The following GALNT17 variants were observed in gnomAD, a reference collection of about 807,000 sequenced individuals.
GALNT17 encodes UDP-GalNAc:polypeptide N-acetylgalactosaminyltransferase-like 3.
A neutral mutation model predicts 63.7 loss-of-function variants in GALNT17; 29 were observed. The observed-to-expected ratio is 0.46, with a 90% CI of 0.34 to 0.62. The LOEUF (loss-of-function observed/expected upper bound fraction) is 0.62. Among genes scored for constraint, GALNT17 ranks in the 20% least tolerant of loss-of-function variants. GALNT17 has a pLI of 0.01. For missense variants in GALNT17, 603 were observed against 799.6 expected (o/e 0.75, Z 2.97); for synonymous variants, 305 against 318.3 (o/e 0.96, Z 0.45).
chr7:71,676,587 T>C (rs761227011), intron 8 of GALNT17, among the ~76,000 whole-genome samples: 23 of 152,090 alleles, frequency 1.5e-4, no homozygotes, highest in Non-Finnish European at 3.4e-4. Flanking sequence ...GGCCTCGCTA[T>C]GTTGCCCATA....
intron 1 of GALNT17, among the ~76,000 whole-genome samples, chr7:71,248,722 T>C (rs1790144454): frequency 6.6e-6 from 1 of 152,224 alleles, no homozygotes; most frequent in Non-Finnish European, 1.5e-5. Context: ...TAGCAACTCA[T>C]TTCCCCCCAT....
chr7:71,202,079 ATCCTCTTTTATT>A (rs1378849095), intron 1 of GALNT17, among the ~76,000 whole-genome samples: 18 of 152,286 alleles, frequency 1.2e-4, no homozygotes, highest in South Asian at 6.2e-4. Context: ...AATGAAGAAA[ATCCTCTTTTATT>A]CATTCCTTTC....
chr7:71,658,829 G>A lies in GALNT17; in HGVS notation c.1081-6582G>A, dbSNP rs184989665. ...TTTGAATCTGGGAGGCGGAGGTTGC[G>A]GTGAGCCAAGATCATGCCACTGCCC... On this transcript the variant is annotated intron_variant, in intron 6 of 10. Transcript: ENST00000333538. Among the ~76,000 whole-genome samples the A allele has an allele frequency of 2.9e-3, 436 of 152,012 alleles. 7 individuals are homozygous for A. Among genetic ancestry groups the A allele is most frequent in the East Asian group, 6.6e-3 (34 of 5,144 alleles).
intron 5 of GALNT17, among the ~76,000 whole-genome samples, chr7:71,453,339 A>C (rs1787299914): frequency 6.6e-6 from 1 of 152,226 alleles, no homozygotes. Flanking sequence ...TGAGACTAGG[A>C]AATTTACAAG....
At chr7:71,677,604 T>C (rs1376875236) in intron 9 of GALNT17, among the ~76,000 whole-genome samples, 1 of 150,998 alleles carries the variant, frequency 6.6e-6, no homozygotes, top group Non-Finnish European at 1.5e-5. Context: ...AACCTCCGCC[T>C]CCCAGGCTCA....
chr7:71,183,304 G>A (rs1788768937), intron 1 of GALNT17, among the ~76,000 whole-genome samples: 1 of 152,130 alleles, frequency 6.6e-6, no homozygotes, highest in African/African-American at 2.4e-5. Context: ...TGTAGCTCTT[G>A]AAGACAGAAG....
At chr7:71,266,905 G>A (rs1048460076) in intron 1 of GALNT17, among the ~76,000 whole-genome samples, 1 of 152,190 alleles carries the variant, frequency 6.6e-6, no homozygotes, top group African/African-American at 2.4e-5. Context: ...AAAGGAGGCT[G>A]AAGACCCAGG....
At chr7:71,179,423 A>G (rs1689358345) in intron 1 of GALNT17, among the ~76,000 whole-genome samples, 1 of 152,220 alleles carries the variant, frequency 6.6e-6, no homozygotes, top group Non-Finnish European at 1.5e-5. Flanking sequence ...ACATGTCATC[A>G]GGACCTCCTG....
At chr7:71,431,852 A>G (rs994240417) in intron 5 of GALNT17, among the ~76,000 whole-genome samples, 1 of 152,166 alleles carries the variant, frequency 6.6e-6, no homozygotes, top group African/African-American at 2.4e-5. Flanking sequence ...AATCATGGTT[A>G]TTATTTGTTA....
At chr7:71,528,371 A>G (rs1788659269) in intron 5 of GALNT17, among the ~76,000 whole-genome samples, 1 of 152,142 alleles carries the variant, frequency 6.6e-6, no homozygotes, top group South Asian at 2.1e-4. Flanking sequence ...CAAAATTGAG[A>G]AGACTGCATT....
In GALNT17 at chr7:71,267,383, T is replaced by C. The variant is rs543243786; in HGVS notation, c.239-68167T>C. On this transcript the variant is annotated intron_variant, in intron 1 of 10. Coordinates refer to ENST00000333538, the MANE Select transcript of GALNT17 (RefSeq NM_022479.3). The stretch of plus-strand genomic sequence containing the variant: ...GATTTTCTAGTTTTTTTTTTTTTTT[T>C]CTTCTAGGAGGATATGTGGTTTTTA... 2.8e-4 allele frequency among the ~76,000 whole-genome samples: 40 copies of C among 140,560 alleles called. No homozygotes were observed. The South Asian group carries it at 3.6e-3, about 13-fold the overall frequency. 92.2% of individuals were successfully genotyped at this position (140,560 alleles called of 152,430 possible).
At chr7:71,452,282 AC>A (rs1787276527) in intron 5 of GALNT17, among the ~76,000 whole-genome samples, 1 of 151,602 alleles carries the variant, frequency 6.6e-6, no homozygotes, top group African/African-American at 2.4e-5. Context: ...GTGGTGGCTT[AC>A]GCCTGTAATC....
At chr7:71,349,389 T>C (rs1289093590) in intron 2 of GALNT17, among the ~76,000 whole-genome samples, 2 of 152,138 alleles carry the variant, frequency 1.3e-5, no homozygotes, top group Admixed American at 1.3e-4. Context: ...GCATGTCCCT[T>C]TAGTTAATTT....
chr7:71,521,556 G>A (rs149289729), intron 5 of GALNT17, among the ~76,000 whole-genome samples: 15 of 152,332 alleles, frequency 9.8e-5, no homozygotes, highest in Admixed American at 3.9e-4. Context: ...GCCTCCTGTG[G>A]GTAAGGACTG....
intron 6 of GALNT17, among the ~76,000 whole-genome samples, chr7:71,573,804 T>C (rs1362725481): frequency 6.6e-6 from 1 of 152,106 alleles, no homozygotes; most frequent in Non-Finnish European, 1.5e-5. Context: ...ACCTGATAGG[T>C]AGTTTTGATC....
intron 1 of GALNT17, among the ~76,000 whole-genome samples, chr7:71,217,241 C>T (rs1789501827): frequency 1.3e-5 from 2 of 148,896 alleles, no homozygotes; most frequent in South Asian, 2.1e-4. Context: ...TCCCAAAGTG[C>T]TGGGATTACA....
intron 6 of GALNT17, among the ~76,000 whole-genome samples, chr7:71,610,114 G>T (rs766594495): frequency 6.6e-6 from 1 of 151,788 alleles, no homozygotes; most frequent in African/African-American, 2.4e-5. Context: ...CTTATTCTCC[G>T]ATCACAATAT....
intron 1 of GALNT17, among the ~76,000 whole-genome samples, chr7:71,162,142 T>TTCCA (rs1788359369): frequency 7.4e-6 from 1 of 135,906 alleles, no homozygotes; most frequent in Non-Finnish European, 1.6e-5. Flanking sequence ...CCTTCCTTCC[T>TTCCA]TCCTTCCTTC....
chr7:71,621,722 C>T (rs1483818243), intron 6 of GALNT17, among the ~76,000 whole-genome samples: 1 of 152,112 alleles, frequency 6.6e-6, no homozygotes, highest in Non-Finnish European at 1.5e-5. Flanking sequence ...TTTTTGACAA[C>T]CGTGATAAAA....
Sources: gnomAD v4.1 joint callset for allele counts (sites outside exome capture counted in the v4.1 genomes callset) on GRCh38, gnomAD v4.1.1 for gene constraint, MANE v1.5 for transcripts, NCBI Gene and HGNC (gene_info 2026-07-23, HGNC 2026-07-21) for gene names.